The following UNC5C variants were observed in gnomAD, a reference collection of about 807,000 sequenced individuals.
UNC5C encodes netrin receptor UNC5C.
In UNC5C, 47 loss-of-function variants were observed where a neutral mutation model predicts 99.8. The ratio of observed to expected loss-of-function variants is 0.47; its 90% confidence interval spans 0.37 to 0.60. UNC5C has a LOEUF of 0.60. Ranked by LOEUF, UNC5C falls within the 20% of genes least tolerant of loss-of-function variation. The pLI is 0.00. For missense variants in UNC5C, 1,062 were observed against 1,165.9 expected, an observed-to-expected ratio of 0.91 and a Z score of 1.30; for synonymous variants, 487 against 452.2, an observed-to-expected ratio of 1.08 and a Z score of -0.98.
Position 95,537,257 on chromosome 4 carries a change from G to A in UNC5C, c.124+11477C>T, listed in dbSNP as rs145686566. ...AAGTATAATGAGAATTCAAGTGACC[G>A]TTGTGAAAATGCTCACAAAGCTTAT... On this transcript the variant is annotated intron_variant, in intron 1 of 15. Transcript: ENST00000453304. 1.7e-4 allele frequency among the ~76,000 whole-genome samples: 26 copies of A among 152,234 alleles called. No individual in the cohort carries two copies. The East Asian group carries it at 3.7e-3, about 21-fold the overall frequency.
chr4:95,363,963 T>C (rs1036875124), intron 1 of UNC5C, among the ~76,000 whole-genome samples: 1 of 152,168 alleles, frequency 6.6e-6, no homozygotes, highest in Non-Finnish European at 1.5e-5. Context: ...GCAAAGTGTT[T>C]GGATAAAGTG....
chr4:95,529,441 T>A (rs946003089), intron 1 of UNC5C, among the ~76,000 whole-genome samples: 1 of 151,370 alleles, frequency 6.6e-6, no homozygotes, highest in Admixed American at 6.6e-5. Context: ...AATTTTAGAA[T>A]ACCAGCCAGG....
At chr4:95,505,531 C>G (rs1721893829) in intron 1 of UNC5C, among the ~76,000 whole-genome samples, 1 of 151,956 alleles carries the variant, frequency 6.6e-6, no homozygotes, top group South Asian at 2.1e-4. Context: ...CTTATAAACA[C>G]TTTTTTTGGT....
chr4:95,382,248 G>A (rs1315577822), intron 1 of UNC5C, among the ~76,000 whole-genome samples: 1 of 152,092 alleles, frequency 6.6e-6, no homozygotes, highest in Admixed American at 6.5e-5. Context: ...CAAGGAGGGA[G>A]GATTGCTTGA....
intron 1 of UNC5C, among the ~76,000 whole-genome samples, chr4:95,458,492 T>C (rs1747508205): frequency 6.6e-6 from 1 of 152,100 alleles, no homozygotes; most frequent in South Asian, 2.1e-4. Flanking sequence ...CTTTTTTCTT[T>C]CAAAAATTTT....
intron 3 of UNC5C, among the ~76,000 whole-genome samples, chr4:95,280,313 C>A (rs1741010672): frequency 6.6e-6 from 1 of 152,174 alleles, no homozygotes; most frequent in Non-Finnish European, 1.5e-5. Flanking sequence ...TGAGGCAAGA[C>A]AAGAGACCTC....
At chr4:95,206,346 TAGAC>T (rs1737874721) in intron 11 of UNC5C, among the ~76,000 whole-genome samples, 1 of 151,968 alleles carries the variant, frequency 6.6e-6, no homozygotes, top group Non-Finnish European at 1.5e-5. Context: ...TATATATACA[TAGAC>T]ATATATATAA....
At chr4:95,495,246 G>A (rs1285073926) in intron 1 of UNC5C, among the ~76,000 whole-genome samples, 1 of 151,306 alleles carries the variant, frequency 6.6e-6, no homozygotes, top group African/African-American at 2.4e-5. Flanking sequence ...CCTTCTCTTG[G>A]GAATGTTCTC....
At chr4:95,535,616 G>T (rs970496724) in intron 1 of UNC5C, among the ~76,000 whole-genome samples, 1 of 152,092 alleles carries the variant, frequency 6.6e-6, no homozygotes, top group Admixed American at 6.6e-5. Context: ...ATTTTAACTT[G>T]TATGCAATTT....
Position 95,202,802 on chromosome 4 carries a change from G to C in UNC5C, c.2065C>G (p.Pro689Ala), listed in dbSNP as rs117896462. Residue 689 changes from proline to alanine, a missense_variant, in exon 12 of 16, where the codon CCC (proline) becomes GCC (alanine). Coordinates refer to ENST00000453304, the MANE Select transcript of UNC5C (RefSeq NM_003728.4). Reference sequence around the variant, plus strand: ...TACTCCAGCGAGGAGCAGCACAGGGGCCCAAAGATGGCCAGCTTGAGGCGC... The same window carrying C: ...TACTCCAGCGAGGAGCAGCACAGGGCCCCAAAGATGGCCAGCTTGAGGCGC... ...AKRLKLAIFG[P>A]LCCSSLEYSI... 3.8e-3 allele frequency: 6,087 copies of C among 1,614,232 alleles called. 262 individuals are homozygous for C. The Admixed American group carries it at 0.079, about 21-fold the overall frequency.
chr4:95,372,018 T>G (rs1441091467), intron 1 of UNC5C, among the ~76,000 whole-genome samples: 1 of 152,196 alleles, frequency 6.6e-6, no homozygotes, highest in Non-Finnish European at 1.5e-5. Context: ...GCCTCTTCAG[T>G]GCAATGCCTC....
chr4:95,241,738 G>A (rs1380617858), intron 7 of UNC5C, among the ~76,000 whole-genome samples: 1 of 152,052 alleles, frequency 6.6e-6, no homozygotes, highest in East Asian at 1.9e-4. Flanking sequence ...GAGTTTGCAA[G>A]TATGAAATCA....
Position 95,170,134 on chromosome 4 carries a change from T to C in UNC5C, c.2630+20A>G. On this transcript the variant is annotated intron_variant, in intron 15 of 15. Coordinates refer to ENST00000453304, the MANE Select transcript of UNC5C (RefSeq NM_003728.4). ...GGCACTAACAGAAAGAAGCTAGTCT[T>C]GGGGCCAGACCATACCCACCTGTCC... 6.2e-7 allele frequency: 1 copy of C among 1,607,452 alleles called. No individual in the cohort carries two copies. The highest frequency in any genetic ancestry group is 8.5e-7 in the Non-Finnish European group (1 of 1,174,970).
At chr4:95,273,003 C>T (rs939676655) in intron 4 of UNC5C, among the ~76,000 whole-genome samples, 8 of 152,184 alleles carry the variant, frequency 5.3e-5, no homozygotes, top group South Asian at 2.1e-4. Context: ...GCACATTTGG[C>T]GGAGCCTCCA....
intron 1 of UNC5C, among the ~76,000 whole-genome samples, chr4:95,496,538 A>C (rs2149483014): frequency 6.6e-6 from 1 of 151,984 alleles, no homozygotes; most frequent in East Asian, 1.9e-4. Flanking sequence ...TAACAAAAGA[A>C]TCACTTTTAG....
At chr4:95,448,225 T>TGAGAGAGAGAGA (rs1260024385) in intron 1 of UNC5C, among the ~76,000 whole-genome samples, 13 of 105,736 alleles carry the variant, frequency 1.2e-4, no homozygotes, top group African/African-American at 3.5e-4. Context: ...TGTGTGTGTG[T>TGAGAGAGAGAGA]GTGAGAGAGA....
chr4:95,257,024 C>G (rs1560756025), intron 4 of UNC5C, among the ~76,000 whole-genome samples: 4 of 152,022 alleles, frequency 2.6e-5, no homozygotes, highest in Non-Finnish European at 5.9e-5. Flanking sequence ...CCTTTCCCAG[C>G]CCACTGACTC....
intron 4 of UNC5C, among the ~76,000 whole-genome samples, chr4:95,259,698 A>G (rs1740147935): frequency 6.6e-6 from 1 of 152,198 alleles, no homozygotes; most frequent in South Asian, 2.1e-4. Context: ...CTAATTCTAA[A>G]GTATAAGAAA....
Position 95,452,459 on chromosome 4 carries a change from G to A in UNC5C, c.124+96275C>T, listed in dbSNP as rs73838836. Among the ~76,000 whole-genome samples the A allele has an allele frequency of 2.4e-3, 367 of 152,108 alleles. 2 individuals are homozygous for A. The highest frequency in any genetic ancestry group is 8.1e-3 in the African/African-American group (335 of 41,532). On this transcript the variant is annotated intron_variant, in intron 1 of 15. Coordinates refer to ENST00000453304, the MANE Select transcript of UNC5C (RefSeq NM_003728.4). ...CCAGACCACGGAGGGTTTCACCAGG[G>A]GACAGTTCCACACAAAGGGTGGCCC... is the stretch of plus-strand genomic sequence containing the variant.
Sources: allele counts gnomAD v4.1 joint callset (sites outside exome capture counted in the v4.1 genomes callset), GRCh38; gene constraint gnomAD v4.1.1; transcripts MANE v1.5; gene names NCBI Gene and HGNC (gene_info 2026-07-23, HGNC 2026-07-21).